Variants in TMEM82 observed in about 807,000 individuals in gnomAD.
TMEM82 encodes transmembrane protein 82.
Under a neutral mutation model 29.2 loss-of-function variants are expected in TMEM82, and 30 were observed. The ratio of observed to expected loss-of-function variants is 1.03; its 90% CI spans 0.77 to 1.39. The LOEUF (loss-of-function observed/expected upper bound fraction) is 1.39. TMEM82 is among the 40% of genes most tolerant of loss of function. TMEM82 has a pLI of 0.00. For missense variants in TMEM82, 442 were observed against 447.7 expected, an observed-to-expected ratio of 0.99 and a Z score of 0.12; for synonymous variants, 221 against 225.4, an observed-to-expected ratio of 0.98 and a Z score of 0.18.
chr1:15,747,961 A>G lies in TMEM82; in HGVS notation c.*329A>G, dbSNP rs933956059. On this transcript the variant is annotated 3_prime_UTR_variant, in exon 6 of 6. Coordinates refer to ENST00000375782, the MANE Select transcript of TMEM82 (RefSeq NM_001013641.3). ...GTCTCCCTTCCCTTCTCCATGAACA[A>G]TAAAGACGATGTCTTTCTCAACCTG... is the stretch of plus-strand genomic sequence containing the variant. 4.9e-5 allele frequency: 13 copies of G among 265,294 alleles called. No homozygotes were observed. The highest frequency in any genetic ancestry group is 1.1e-3 in the Middle Eastern group (1 of 874). 16.4% of individuals were successfully genotyped at this position (265,294 alleles called of 1,614,324 possible).
chr1:15,743,010 G>A lies in TMEM82; in HGVS notation c.162-10G>A. ...CTGCACCCCTGCCCACACCCATTCT[G>A]TCCCCAAAGTGACCCGCAGCGGCGA... On this transcript the variant is annotated splice_polypyrimidine_tract_variant and intron_variant, in intron 2 of 5. Coordinates refer to ENST00000375782, the MANE Select transcript of TMEM82 (RefSeq NM_001013641.3). 1 of 1,598,878 alleles carries A rather than the reference G, an allele frequency of 6.3e-7. No homozygotes were observed. The highest frequency in any genetic ancestry group is 8.5e-7 in the Non-Finnish European group (1 of 1,171,952).
chr1:15,745,551 GAA>G (rs1440229756), intron 4 of TMEM82, among the ~76,000 whole-genome samples: 8 of 147,026 alleles, frequency 5.4e-5, no homozygotes, highest in Non-Finnish European at 1.1e-4. Flanking sequence ...GAGAAAGAGA[GAA>G]AGAGAGAAAG....
chr1:15,745,181 G>A (rs1441357765), intron 4 of TMEM82, among the ~76,000 whole-genome samples: 1 of 152,118 alleles, frequency 6.6e-6, no homozygotes, highest in East Asian at 1.9e-4. Context: ...CAAGTTGTGG[G>A]GATTACAGGC....
Position 15,743,005 on chromosome 1 carries a change from A to G in TMEM82, c.162-15A>G, listed in dbSNP as rs1293733345. ...CAGTTCTGCACCCCTGCCCACACCCATTCTGTCCCCAAAGTGACCCGCAGC... is the reference window on the plus strand; with the variant it reads ...CAGTTCTGCACCCCTGCCCACACCCGTTCTGTCCCCAAAGTGACCCGCAGC... On this transcript the variant is annotated splice_polypyrimidine_tract_variant and intron_variant, in intron 2 of 5. Coordinates refer to ENST00000375782, the MANE Select transcript of TMEM82 (RefSeq NM_001013641.3). The G allele has an allele frequency of 3.1e-6, 5 of 1,599,648 alleles. No homozygotes were observed. In the South Asian group the frequency reaches 3.4e-5, roughly 11 times the overall value.
At chr1:15,747,316 G>C (rs1335094036) in intron 5 of TMEM82, among the ~76,000 whole-genome samples, 1 of 151,714 alleles carries the variant, frequency 6.6e-6, no homozygotes, top group Non-Finnish European at 1.5e-5. Flanking sequence ...ACAGAGCCAG[G>C]GTGACTTCCC....
At chr1:15,743,745 G>C (rs1181578208) in intron 3 of TMEM82, among the ~76,000 whole-genome samples, 1 of 152,180 alleles carries the variant, frequency 6.6e-6, no homozygotes, top group African/African-American at 2.4e-5. Flanking sequence ...CCTGAGGTTA[G>C]GATTTCGAGA....
At chr1:15,746,131 A>G (rs1408183146) in intron 4 of TMEM82, among the ~76,000 whole-genome samples, 1 of 87,784 alleles carries the variant, frequency 1.1e-5, no homozygotes, top group Non-Finnish European at 2.7e-5. Flanking sequence ...TCCTGGGTTC[A>G]ATCAATTCTC....
At position 15,743,157 on chromosome 1, in the gene TMEM82, C is replaced by G; in HGVS notation, c.299C>G (p.Ser100Cys). ...GCTGCCCTCGTGGTGCTCGAGTTCT[C>G]CCTCCGGGCCGTGTCCACGCTGCTG... is the stretch of plus-strand genomic sequence containing the variant. The part of the protein sequence containing the change: ...RVAALVVLEF[S>C]LRAVSTLLSL... Residue 100 changes from serine to cysteine, a missense_variant, in exon 3 of 6, where the codon TCC becomes TGC. Ser to Cys is a moderately radical substitution (Grantham distance 112, BLOSUM62 -1). Transcript: ENST00000375782. 6.2e-7 allele frequency: 1 copy of G among 1,610,468 alleles called. No individual in the cohort carries two copies. The highest frequency in any genetic ancestry group is 1.3e-5 in the African/African-American group (1 of 75,068).
rs1268914540 is a variant in TMEM82 at position 15,747,759 on chromosome 1, C to T, written c.*127C>T. On this transcript the variant is annotated 3_prime_UTR_variant, in exon 6 of 6. Coordinates refer to ENST00000375782, the MANE Select transcript of TMEM82 (RefSeq NM_001013641.3). ...CTCCTGCCCAGAGCTCAGCACAGGC[C>T]CTGGGAGCCCCGAGAAGGGAAGGCA... The T allele has an allele frequency of 9.0e-6, 7 of 776,098 alleles. No individual in the cohort carries two copies. Among genetic ancestry groups the T allele is most frequent in the Admixed American group, 3.1e-5 (1 of 31,878 alleles). 48.1% of individuals were successfully genotyped at this position (776,098 alleles called of 1,614,324 possible).
At position 15,744,609 on chromosome 1, in the gene TMEM82, A is replaced by G; in HGVS notation, c.757+29A>G. Reference sequence around the variant, plus strand: ...AGCGCTGCGGGGCCTGCTCCATTCAATCCACGCACATCCCTCTGTCTGGGT... The same window carrying G: ...AGCGCTGCGGGGCCTGCTCCATTCAGTCCACGCACATCCCTCTGTCTGGGT... On this transcript the variant is annotated intron_variant, in intron 4 of 5. Transcript: ENST00000375782. The surrounding 1 kb of genome is among the most constrained non-coding windows in gnomAD (Gnocchi z 5.2). The G allele has an allele frequency of 6.4e-7, 1 of 1,562,202 alleles. No homozygotes were observed. Among genetic ancestry groups the G allele is most frequent in the Non-Finnish European group, 8.7e-7 (1 of 1,151,856 alleles).
At chr1:15,747,076 G>A in intron 5 of TMEM82, 22 bp downstream of exon 5, 1 of 1,596,318 alleles carries the variant, frequency 6.3e-7, no homozygotes, top group South Asian at 1.1e-5. Flanking sequence ...CATCCCATGT[G>A]TCCCCCAGAC....
In TMEM82 at chr1:15,747,646, G is replaced by A. The variant is rs913424511; in HGVS notation, c.*14G>A. On this transcript the variant is annotated 3_prime_UTR_variant, in exon 6 of 6. Transcript: ENST00000375782. ...GCCCCCTCTTGACCTGCCTCAGGGA[G>A]GATCTGGAGTCTGTCTCAAGCCCAC... 8.7e-6 allele frequency: 14 copies of A among 1,610,634 alleles called. No individual in the cohort carries two copies. The highest frequency in any genetic ancestry group is 1.6e-4 in the Middle Eastern group (1 of 6,072).
At chr1:15,745,545 A>AAGAGAGAG (rs2068328068) in intron 4 of TMEM82, among the ~76,000 whole-genome samples, 1 of 72,518 alleles carries the variant, frequency 1.4e-5, no homozygotes, top group Non-Finnish European at 2.7e-5. Context: ...GAGAGAGAGA[A>AAGAGAGAG]AGAGAGAAAG....
intron 4 of TMEM82, among the ~76,000 whole-genome samples, chr1:15,746,664 G>T (rs991252188): frequency 6.6e-6 from 1 of 152,150 alleles, no homozygotes; most frequent in Non-Finnish European, 1.5e-5. Context: ...CCAGTTGGAG[G>T]CCTGTGGGCT....
rs150471816 is a variant in TMEM82 at position 15,744,456 on chromosome 1, C to T, written c.633C>T (p.Ala211=). The T allele has an allele frequency of 1.0e-3, 1,654 of 1,607,404 alleles. 11 individuals are homozygous for T. In the African/African-American group the frequency reaches 0.018, roughly 18 times the overall value. The change falls in exon 4 of 6, where the codon GCC becomes GCT. Residue 211 remains alanine, a synonymous_variant. Coordinates refer to ENST00000375782, the MANE Select transcript of TMEM82 (RefSeq NM_001013641.3). This position sits in a 1 kb window ranked among gnomAD's most constrained non-coding sequence, Gnocchi z 5.2. The part of the protein sequence containing the change: ...PQLLGRALAI[A]FAVGDLAAVA... Reference sequence around the variant, plus strand: ...TGCTGGGCCGTGCCCTGGCCATAGCCTTTGCCGTGGGTGACCTGGCAGCTG... The same window carrying T: ...TGCTGGGCCGTGCCCTGGCCATAGCTTTTGCCGTGGGTGACCTGGCAGCTG...
At chr1:15,743,579 A>G (rs1055254025) in intron 3 of TMEM82, among the ~76,000 whole-genome samples, 14 of 152,368 alleles carry the variant, frequency 9.2e-5, no homozygotes, top group African/African-American at 3.1e-4. Flanking sequence ...TATGGTCAAC[A>G]GATAGAGTCA....
chr1:15,744,520 GC>G lies in TMEM82; in HGVS notation c.699del (p.Met234CysfsTer47). On this transcript the variant is annotated frameshift_variant, in exon 4 of 6. Transcript: ENST00000375782. LOFTEE classifies it high-confidence loss of function. This position sits in a 1 kb window ranked among gnomAD's most constrained non-coding sequence, Gnocchi z 5.2. Reference protein sequence around the residue: ...INQDFLTTSEAMRFWTPLTIC... With the variant: ...INQDFLTTSEXMRFWTPLTIC... ...CCAGGACTTCCTGACCACCTCGGAG[GC>G]CATGCGGTTCTGGACACCGCTCACC... 1 of 1,612,532 alleles carries G rather than the reference GC, an allele frequency of 6.2e-7. No individual in the cohort carries two copies. Among genetic ancestry groups the G allele is most frequent in the Non-Finnish European group, 8.5e-7 (1 of 1,179,884 alleles).
chr1:15,745,533 A>AAGAG (rs201507087), intron 4 of TMEM82, among the ~76,000 whole-genome samples: 48,820 of 144,356 alleles, frequency 0.34, 8,783 homozygotes, highest in African/African-American at 0.46. Context: ...GAAAGAGAGA[A>AAGAG]AGAGAGAGAG....
intron 4 of TMEM82, among the ~76,000 whole-genome samples, chr1:15,746,127 G>A (rs1569611952): frequency 1.1e-5 from 1 of 87,618 alleles, no homozygotes; most frequent in East Asian, 2.3e-4. Flanking sequence ...CAACTCCTGG[G>A]TTCAATCAAT....
Sources: gnomAD v4.1 joint callset for allele counts (sites outside exome capture counted in the v4.1 genomes callset) on GRCh38, gnomAD v4.1.1 for gene constraint, Gnocchi (gnomAD v3.1) non-coding constraint, MANE v1.5 for transcripts, NCBI Gene and HGNC (gene_info 2026-07-23, HGNC 2026-07-21) for gene names.